ZNF536: variants seen among roughly 807,000 people sequenced by gnomAD.
ZNF536 encodes zinc finger protein 536.
A neutral mutation model predicts 84.5 loss-of-function variants in ZNF536; 13 were observed. The ratio of observed to expected loss-of-function variants is 0.15; its 90% CI spans 0.10 to 0.24. The LOEUF (loss-of-function observed/expected upper bound fraction) is 0.24, where lower values mean the gene tolerates loss of function less well. Among genes scored for constraint, ZNF536 ranks in the 10% least tolerant of loss-of-function variants. The pLI, the probability that ZNF536 is intolerant of heterozygous loss-of-function variation, is 1.00. For synonymous variants in ZNF536, 811 were observed against 742.5 expected (o/e 1.09, Z -1.50); for missense variants, 1,536 against 1,747.5 (o/e 0.88, Z 2.16).
At chr19:30,558,123 C>T (rs930059661), downstream of ZNF536, 1 of 152,204 alleles carries the variant, frequency 6.6e-6, no homozygotes, top group Non-Finnish European at 1.5e-5. Flanking sequence ...ACATTCTTCT[C>T]ACTGTTGGAA....
intron 1 of ZNF536, among the ~76,000 whole-genome samples, chr19:30,652,968 C>G (rs928851987): frequency 6.6e-6 from 1 of 152,186 alleles, no homozygotes; most frequent in Admixed American, 6.5e-5. Flanking sequence ...GCTGCATCCA[C>G]TCTCGATGCC....
intron 2 of ZNF536, among the ~76,000 whole-genome samples, chr19:30,467,931 C>T (rs1222122627): frequency 1.3e-5 from 2 of 152,236 alleles, no homozygotes; most frequent in Non-Finnish European, 2.9e-5. Flanking sequence ...CAGCCCTGGC[C>T]GCACAGCGGC....
chr19:30,343,123 G>T (rs2146575880), intron 2 of ZNF536, among the ~76,000 whole-genome samples: 1 of 152,230 alleles, frequency 6.6e-6, no homozygotes, highest in Non-Finnish European at 1.5e-5. Flanking sequence ...GCCCTTCTAT[G>T]GTAGCATCCT....
chr19:30,530,300 G>C (rs564908790), intron 2 of ZNF536, among the ~76,000 whole-genome samples: 1 of 152,106 alleles, frequency 6.6e-6, no homozygotes, highest in South Asian at 2.1e-4. Context: ...GATCACAGAT[G>C]CAATTTTTGT....
In ZNF536 at chr19:30,445,149, G is replaced by C. The variant is rs2148213400; in HGVS notation, c.1587G>C (p.Arg529Ser). 6.2e-7 allele frequency: 1 copy of C among 1,614,126 alleles called. No individual in the cohort carries two copies. The highest frequency in any genetic ancestry group is 8.5e-7 in the Non-Finnish European group (1 of 1,180,052). ...NSYQAWQLMA[R>S]GMAMEHGFLS... ...ACCAGGCTTGGCAGCTCATGGCCAG[G>C]GGCATGGCCATGGAACATGGCTTCT... The change falls in exon 2 of 5, where the codon AGG becomes AGC. Residue 529 changes from arginine (R) to serine (S), a missense_variant. Arg to Ser is a moderately radical substitution (Grantham distance 110). Coordinates refer to ENST00000355537, the MANE Select transcript of ZNF536 (RefSeq NM_014717.3). The surrounding 1 kb of genome is among the most constrained non-coding windows in gnomAD (Gnocchi z 4.5).
intron 1 of ZNF536, among the ~76,000 whole-genome samples, chr19:30,703,226 A>T (rs2052068300): frequency 6.6e-6 from 1 of 152,192 alleles, no homozygotes; most frequent in Non-Finnish European, 1.5e-5. Context: ...TTTGGAGAAC[A>T]GAGAGAAGTC....
chr19:30,461,608 C>T (rs1476926574), intron 2 of ZNF536, among the ~76,000 whole-genome samples: 2 of 152,184 alleles, frequency 1.3e-5, no homozygotes, highest in African/African-American at 4.8e-5. Flanking sequence ...CCCCTAGTGT[C>T]TAAGACAGGG....
chr19:30,338,934 C>T (rs550490134), intron 2 of ZNF536, among the ~76,000 whole-genome samples: 76 of 152,280 alleles, frequency 5.0e-4, no homozygotes, highest in African/African-American at 1.8e-3. Context: ...CATTCTGTTG[C>T]TGGTGGCATG....
chr19:30,417,148 ATTTT>A (rs71173904), intron 1 of ZNF536, among the ~76,000 whole-genome samples: 12 of 100,236 alleles, frequency 1.2e-4, no homozygotes, highest in African/African-American at 4.9e-4. Context: ...TAATTTTTGT[ATTTT>A]TTTTTTTTTT....
intron 3 of ZNF536, among the ~76,000 whole-genome samples, chr19:30,543,655 A>G (rs1198478036): frequency 1.3e-5 from 2 of 152,248 alleles, no homozygotes; most frequent in East Asian, 1.9e-4. Flanking sequence ...TAGACTCAGC[A>G]TCTGCCTGTG....
At chr19:30,264,805 CT>C (rs1352463998) in intron 1 of ZNF536, among the ~76,000 whole-genome samples, 1 of 152,088 alleles carries the variant, frequency 6.6e-6, no homozygotes, top group Admixed American at 6.6e-5. Context: ...CAAAGTTTGT[CT>C]TTTGACTGTT....
chr19:30,590,695 G>A (rs1192383094), intron 1 of ZNF536, among the ~76,000 whole-genome samples: 1 of 152,230 alleles, frequency 6.6e-6, no homozygotes, highest in Non-Finnish European at 1.5e-5. Flanking sequence ...AGGTCTCACT[G>A]TACTGTGACC....
intron 1 of ZNF536, among the ~76,000 whole-genome samples, chr19:30,576,303 G>A (rs772162919): frequency 5.3e-5 from 8 of 152,076 alleles, no homozygotes; most frequent in African/African-American, 7.2e-5. Flanking sequence ...TGTCAGTGAC[G>A]ATGCAGATAG....
intron 1 of ZNF536, among the ~76,000 whole-genome samples, chr19:30,255,564 AAT>A (rs2024870506): frequency 6.6e-6 from 1 of 152,196 alleles, no homozygotes. Flanking sequence ...TACAGTAATT[AAT>A]TTAGTGAAAC....
intron 2 of ZNF536, among the ~76,000 whole-genome samples, chr19:30,532,213 T>TCCTC (rs1185106813): frequency 6.6e-6 from 1 of 151,968 alleles, no homozygotes; most frequent in Non-Finnish European, 1.5e-5. Context: ...CACCGCAACC[T>TCCTC]CCACCTCCCA....
At chr19:30,282,340 C>G (rs1288578536) in intron 1 of ZNF536, among the ~76,000 whole-genome samples, 1 of 152,250 alleles carries the variant, frequency 6.6e-6, no homozygotes, top group South Asian at 2.1e-4. Flanking sequence ...AGCCACGAGG[C>G]TTGTGCTGGG....
At chr19:30,294,484 A>ATGTAAGTAC (rs2045936198) in intron 2 of ZNF536, among the ~76,000 whole-genome samples, 1 of 151,796 alleles carries the variant, frequency 6.6e-6, no homozygotes, top group African/African-American at 2.4e-5. Context: ...ACAGTTAAAA[A>ATGTAAGTAC]ATGTAAGTAT....
chr19:30,298,430 C>T (rs1316444445), intron 2 of ZNF536, among the ~76,000 whole-genome samples: 1 of 152,196 alleles, frequency 6.6e-6, no homozygotes, highest in Admixed American at 6.5e-5. Context: ...GGATGTGCAA[C>T]CAAGAACAGG....
chr19:30,414,707 C>T (rs1348729071), intron 1 of ZNF536, among the ~76,000 whole-genome samples: 2 of 152,152 alleles, frequency 1.3e-5, no homozygotes, highest in Non-Finnish European at 2.9e-5. Context: ...ATTGTAAAAA[C>T]CATTATGTAC....
Sources: allele counts gnomAD v4.1 joint callset (sites outside exome capture counted in the v4.1 genomes callset), GRCh38; gene constraint gnomAD v4.1.1; non-coding constraint Gnocchi (gnomAD v3.1); transcripts MANE v1.5; gene names NCBI Gene and HGNC (gene_info 2026-07-23, HGNC 2026-07-21).